IL2RB: variants seen among roughly 807,000 people sequenced by gnomAD.
IL2RB encodes the protein interleukin 2 receptor subunit beta, also known as interleukin-2 receptor subunit beta.
A neutral mutation model predicts 44.2 loss-of-function variants in IL2RB; 17 were observed. The ratio of observed to expected loss-of-function variants is 0.38; its 90% CI spans 0.26 to 0.58. The LOEUF (loss-of-function observed/expected upper bound fraction) is 0.58, where lower values mean the gene tolerates loss of function less well. Ranked by LOEUF, IL2RB falls within the 20% of genes least tolerant of loss-of-function variation. The pLI, the probability that IL2RB is intolerant of heterozygous loss-of-function variation, is 0.63. For synonymous variants in IL2RB, 286 were observed against 297.9 expected (o/e 0.96, Z 0.41); for missense variants, 624 against 685.5 (o/e 0.91, Z 1.00).
chr22:37,169,915 A>G (rs1415549912), intron 1 of IL2RB, among the ~76,000 whole-genome samples: 2 of 152,160 alleles, frequency 1.3e-5, no homozygotes, highest in Non-Finnish European at 2.9e-5. Context: ...TGCCTGGAGC[A>G]TAGGAGGTGC....
rs1380905603 is a variant in IL2RB, at chr22:37,128,570, C to T, written c.1182G>A (p.Glu394=). 2.5e-6 allele frequency: 4 copies of T among 1,613,898 alleles called. No homozygotes were observed. Among genetic ancestry groups the T allele is most frequent in the Non-Finnish European group, 3.4e-6 (4 of 1,179,924 alleles). ...ACCCTGTGGGTGCCCCGGCCACACC[C>T]TCATCAGGGTCTTCCTCTGAGTAGG... ...YDPYSEEDPD[E]GVAGAPTGSS... is the part of the protein sequence containing the mutation. The change falls in exon 10 of 10, where the codon GAG becomes GAA. Residue 394 remains glutamate, a synonymous_variant. Transcript: ENST00000216223. The surrounding 1 kb of genome is among the most constrained non-coding windows in gnomAD (Gnocchi z 4.5).
intron 8 of IL2RB, 65 bp from the exon 9 acceptor site, chr22:37,132,533 G>A (rs3218363): frequency 3.2e-5 from 39 of 1,217,070 alleles, no homozygotes; most frequent in Middle Eastern, 3.9e-4. Flanking sequence ...TTATGCCATC[G>A]GCACCACAGC....
chr22:37,128,158 TC>T lies in IL2RB; in HGVS notation c.1593del (p.Asn532ThrfsTer43). On this transcript the variant is annotated frameshift_variant, in exon 10 of 10. Transcript: ENST00000216223. LOFTEE classifies it high-confidence loss of function. The surrounding 1 kb of genome is among the most constrained non-coding windows in gnomAD (Gnocchi z 4.5). ...EFRALNARLP[L>X]NTDAYLSLQE... ...TGGAGGGACAAGTAGGCATCAGTGTTCAGGGGCAGGCGAGCATTAAGGGCCC... is the reference window on the plus strand; with the variant it reads ...TGGAGGGACAAGTAGGCATCAGTGTTAGGGGCAGGCGAGCATTAAGGGCCC... The T allele has an allele frequency of 6.3e-7, 1 of 1,577,126 alleles. No individual in the cohort carries two copies. The highest frequency in any genetic ancestry group is 1.2e-5 in the South Asian group (1 of 84,872).
chr22:37,166,391 A>T (rs1196783905), intron 1 of IL2RB, among the ~76,000 whole-genome samples: 1 of 152,222 alleles, frequency 6.6e-6, no homozygotes, highest in African/African-American at 2.4e-5. Flanking sequence ...TTCCTGGGCC[A>T]GAAGTGAAGC....
chr22:37,153,628 A>G (rs1277242283), upstream of IL2RB, among the ~76,000 whole-genome samples: 1 of 152,214 alleles, frequency 6.6e-6, no homozygotes, highest in African/African-American at 2.4e-5. Context: ...CAACCATGAG[A>G]ATAACAGCCA....
Position 37,132,388 on chromosome 22 carries a change from A to G in IL2RB, c.899T>C (p.Val300Ala). The stretch of plus-strand genomic sequence containing the variant: ...CTCCCCGCCCCGGCCTCCTACCTGG[A>G]CGTCTCCTCCATGCTCTGAGCTCAG... ...SQLSSEHGGDVQKWLSSPFPS... is the reference protein window; with the variant it reads ...SQLSSEHGGDAQKWLSSPFPS... The change falls in exon 9 of 10, where the codon GTC becomes GCC. Residue 300 changes from valine to alanine, a missense_variant. This residue lies in a region of IL2RB where 255 missense variants were observed against 339.9 expected (regional missense o/e 0.75). Transcript: ENST00000216223. 2 of 1,613,696 alleles carry G rather than the reference A, an allele frequency of 1.2e-6. No homozygotes were observed. The highest frequency in any genetic ancestry group is 1.7e-6 in the Non-Finnish European group (2 of 1,179,794).
intron 8 of IL2RB, 67 bp from the exon 9 acceptor site, chr22:37,132,535 C>T (rs1433337901): frequency 1.2e-5 from 14 of 1,188,798 alleles, no homozygotes; most frequent in South Asian, 2.5e-5. Flanking sequence ...ATGCCATCGG[C>T]ACCACAGCTC....
chr22:37,126,831 A>G lies in IL2RB; in HGVS notation c.*1265T>C, dbSNP rs1310029755. 1.3e-5 allele frequency: 2 copies of G among 152,332 alleles called. No individual in the cohort carries two copies. Among genetic ancestry groups the G allele is most frequent in the African/African-American group, 4.8e-5 (2 of 41,454 alleles). 9.4% of individuals were successfully genotyped at this position (152,332 alleles called of 1,614,324 possible). On this transcript the variant is annotated 3_prime_UTR_variant, in exon 10 of 10. Transcript: ENST00000216223. Reference sequence around the variant, plus strand: ...AGGGGGCATGCCAGACCTAATGGGCACGGGACTCTGCCTCTCTGTGTGAAT... The same window carrying G: ...AGGGGGCATGCCAGACCTAATGGGCGCGGGACTCTGCCTCTCTGTGTGAAT...
chr22:37,135,445 G>T lies in IL2RB; in HGVS notation c.704-3C>A, dbSNP rs757811589. The T allele has an allele frequency of 1.9e-6, 3 of 1,594,432 alleles. No individual in the cohort carries two copies. The East Asian group carries it at 6.7e-5, about 36-fold the overall frequency. On this transcript the variant is annotated splice_polypyrimidine_tract_variant and splice_region_variant and intron_variant, in intron 7 of 9. Coordinates refer to ENST00000216223, the MANE Select transcript of IL2RB (RefSeq NM_000878.5). ...CGGAATGGTGTCCTTCCCAAGGGCT[G>T]CCCAGGGGTGGGAGAAACAGCAAGG...
At chr22:37,151,245 C>T (rs1394653935), upstream of IL2RB, among the ~76,000 whole-genome samples, 15 of 152,168 alleles carry the variant, frequency 9.9e-5, no homozygotes, top group Admixed American at 9.8e-4. Context: ...TCATTATTGC[C>T]TGCCTTTTGG....
intron 9 of IL2RB, among the ~76,000 whole-genome samples, chr22:37,131,173 T>A (rs371557428): frequency 7.5e-5 from 2 of 26,792 alleles, no homozygotes; most frequent in Non-Finnish European, 1.4e-4. Flanking sequence ...TCTCAAAAAA[T>A]AAATAAATAA....
chr22:37,146,151 G>A lies in IL2RB; in HGVS notation c.-33-1946C>T, dbSNP rs556274740. Among the ~76,000 whole-genome samples the A allele has an allele frequency of 4.6e-5, 7 of 152,178 alleles. No homozygotes were observed. The East Asian group carries it at 5.8e-4, about 13-fold the overall frequency. ...CAGTCAGGACTCTCCTCAGACAGCA[G>A]GACACTCCAGTGACTACTTGTTGTC... On this transcript the variant is annotated intron_variant, in intron 1 of 9. Coordinates refer to ENST00000216223, the MANE Select transcript of IL2RB (RefSeq NM_000878.5).
intron 1 of IL2RB, among the ~76,000 whole-genome samples, chr22:37,170,066 AGGATGGGGGAGAAGGAAGGAAGAAT>A (rs200903230): frequency 0.3 from 1,854 of 6,242 alleles, 52 homozygotes; most frequent in African/African-American, 0.33. Flanking sequence ...GAAGGAAGGA[AGGATGGGGGAGAAGGAAGGAAGAAT>A]GGATGGATGG....
chr22:37,133,888 G>T (rs568640780), intron 8 of IL2RB, among the ~76,000 whole-genome samples: 4 of 152,218 alleles, frequency 2.6e-5, no homozygotes, highest in African/African-American at 9.6e-5. Context: ...CTTCCCTCCT[G>T]CCTGCCCAGG....
At chr22:37,152,499 T>C (rs547178620), upstream of IL2RB, among the ~76,000 whole-genome samples, 66 of 152,202 alleles carry the variant, frequency 4.3e-4, no homozygotes, top group Non-Finnish European at 7.9e-4. Flanking sequence ...AAATATAAGA[T>C]AATATCGTCT....
chr22:37,137,191 T>G (rs543130236), intron 6 of IL2RB, among the ~76,000 whole-genome samples: 6 of 152,244 alleles, frequency 3.9e-5, no homozygotes, highest in Admixed American at 3.3e-4. Context: ...ATTTATTGAG[T>G]GAGCAGTTGA....
chr22:37,170,087 AGAAT>A (rs796827059), intron 1 of IL2RB, among the ~76,000 whole-genome samples: 168 of 112,482 alleles, frequency 1.5e-3, no homozygotes, highest in African/African-American at 8.2e-3. Context: ...GAAGGAAGGA[AGAAT>A]GGATGGATGG....
intron 1 of IL2RB, among the ~76,000 whole-genome samples, chr22:37,164,868 A>G (rs920726987): frequency 2.0e-5 from 3 of 152,178 alleles, no homozygotes; most frequent in Non-Finnish European, 4.4e-5. Context: ...CCCTATTCTA[A>G]GTACACATGT....
chr22:37,147,292 C>T (rs1922270904), intron 1 of IL2RB, among the ~76,000 whole-genome samples: 1 of 152,222 alleles, frequency 6.6e-6, no homozygotes, highest in South Asian at 2.1e-4. Flanking sequence ...TGCCTAAGGT[C>T]ATGCAGTGGA....
Sources: gnomAD v4.1 joint callset for allele counts (sites outside exome capture counted in the v4.1 genomes callset) on GRCh38, gnomAD v4.1.1 for gene constraint, gnomAD v4.1.1 regional missense constraint, Gnocchi (gnomAD v3.1) non-coding constraint, MANE v1.5 for transcripts, NCBI Gene and HGNC (gene_info 2026-07-23, HGNC 2026-07-21) for gene names.